CFAP57: variants seen among roughly 807,000 people sequenced by gnomAD.
The protein encoded by CFAP57 is cilia and flagella associated protein 57.
CFAP57 carries 116 observed loss-of-function variants against 146.8 expected under a neutral mutation model. The ratio of observed to expected loss-of-function variants is 0.79; its 90% CI spans 0.68 to 0.92. The LOEUF (loss-of-function observed/expected upper bound fraction) is 0.92. CFAP57 is among the 40% of genes least tolerant of loss of function. The probability of loss-of-function intolerance (pLI) is 0.00; values close to 1 mark genes in which losing one functional copy is unlikely to be tolerated. For synonymous variants in CFAP57, 518 were observed against 552.8 expected (o/e 0.94, Z 0.88); for missense variants, 1,377 against 1,527.2 (o/e 0.90, Z 1.64).
intron 14 of CFAP57, 45 bp downstream of exon 14, chr1:43,221,510 T>C (rs1378667755): frequency 3.0e-6 from 4 of 1,355,554 alleles, no homozygotes; most frequent in East Asian, 2.6e-5. Context: ...TTGGAAGAGC[T>C]AGGTTATGGG....
At chr1:43,181,455 C>T in intron 2 of CFAP57, 79 bp from the exon 3 acceptor site, 1 of 1,542,420 alleles carries the variant, frequency 6.5e-7, no homozygotes, top group Non-Finnish European at 8.9e-7. Flanking sequence ...CTCCAGTGCC[C>T]ACCACAGTGC....
intron 7 of CFAP57, among the ~76,000 whole-genome samples, chr1:43,198,054 A>G (rs893594707): frequency 6.6e-6 from 1 of 151,792 alleles, no homozygotes; most frequent in Non-Finnish European, 1.5e-5. Context: ...TTTCTTCCTC[A>G]TCTTTCTCCC....
rs182629640 is a variant in CFAP57, at chr1:43,175,878, T to G, written c.157+2968T>G. ...TATACCTTACTCTCTCTGTGTTGCA[T>G]TCTAGATAATTACTTTAGATGTATC... On this transcript the variant is annotated intron_variant, in intron 2 of 22. Transcript: ENST00000372492. Among the ~76,000 whole-genome samples, 8 of 151,512 alleles carry G rather than the reference T, an allele frequency of 5.3e-5. No homozygotes were observed. In the East Asian group the frequency reaches 1.4e-3, roughly 26 times the overall value.
At chr1:43,195,625 G>T (rs1185749927) in intron 6 of CFAP57, among the ~76,000 whole-genome samples, 5 of 152,102 alleles carry the variant, frequency 3.3e-5, no homozygotes, top group Non-Finnish European at 7.4e-5. Flanking sequence ...TAGTGGTAAT[G>T]AAGAAGTAAA....
chr1:43,216,586 C>T (rs369470556), intron 12 of CFAP57, among the ~76,000 whole-genome samples: 153 of 152,250 alleles, frequency 1.0e-3, no homozygotes, highest in African/African-American at 3.5e-3. Context: ...CTGACAGTAC[C>T]GCTGCCAGGC....
At chr1:43,202,334 A>G (rs1272979169) in intron 9 of CFAP57, among the ~76,000 whole-genome samples, 1 of 152,236 alleles carries the variant, frequency 6.6e-6, no homozygotes, top group Non-Finnish European at 1.5e-5. Flanking sequence ...AAACAGACAA[A>G]AGATCATCAA....
intron 21 of CFAP57, among the ~76,000 whole-genome samples, chr1:43,240,106 G>A (rs542844760): frequency 1.4e-4 from 22 of 152,268 alleles, no homozygotes; most frequent in African/African-American, 4.6e-4. Flanking sequence ...AAGGAAATGC[G>A]GGAAACCTAT....
intron 2 of CFAP57, among the ~76,000 whole-genome samples, chr1:43,177,980 G>A (rs1645237625): frequency 6.6e-6 from 1 of 152,204 alleles, no homozygotes; most frequent in South Asian, 2.1e-4. Context: ...GGAAGAATCA[G>A]CAAAAGAGGC....
Position 43,197,424 on chromosome 1 carries a change from A to G in CFAP57, c.1123-129A>G. The stretch of plus-strand genomic sequence containing the variant: ...CTCAGGAAAATATGCATAATATTCA[A>G]ACAGTTTAGCCACAGCCTGATTTCT... On this transcript the variant is annotated intron_variant, in intron 6 of 22. Coordinates refer to ENST00000372492, the MANE Select transcript of CFAP57 (RefSeq NM_001378189.1). 3.7e-6 allele frequency: 4 copies of G among 1,075,208 alleles called. No individual in the cohort carries two copies. The South Asian group carries it at 4.0e-5, about 11-fold the overall frequency. The allele number at this position is 1,075,208 out of a possible 1,614,324, so 66.6% of individuals were successfully genotyped here. A position where few individuals can be genotyped will look rare whatever the true frequency, so the allele number is the denominator to read the frequency against.
At position 43,227,488 on chromosome 1, in the gene CFAP57, A is replaced by AT. The variant is rs1223141822; in HGVS notation, c.3009+369dup. On this transcript the variant is annotated intron_variant, in intron 18 of 22. Coordinates refer to ENST00000372492, the MANE Select transcript of CFAP57 (RefSeq NM_001378189.1). ...CAACAGGCTATCCTTCTAGTTCAGC[A>AT]TTTTTTTCTCAAACTGGAAATGTTG... 1.3e-4 allele frequency among the ~76,000 whole-genome samples: 20 copies of AT among 152,218 alleles called. No homozygotes were observed. The East Asian group carries it at 1.9e-3, about 15-fold the overall frequency.
At chr1:43,228,695 A>C (rs1015930598) in intron 18 of CFAP57, among the ~76,000 whole-genome samples, 1 of 149,038 alleles carries the variant, frequency 6.7e-6, no homozygotes, top group African/African-American at 2.5e-5. Flanking sequence ...ACCATTCTTG[A>C]GTGCTTTCAG....
chr1:43,199,856 T>C (rs1644039808), intron 9 of CFAP57, among the ~76,000 whole-genome samples: 1 of 152,092 alleles, frequency 6.6e-6, no homozygotes, highest in South Asian at 2.1e-4. Flanking sequence ...GGGAGACTCA[T>C]AGGGTGTCAG....
intron 2 of CFAP57, among the ~76,000 whole-genome samples, chr1:43,180,225 A>T (rs141369375): frequency 0.042 from 5,999 of 142,534 alleles, 209 homozygotes; most frequent in African/African-American, 0.073. Context: ...TATATATTTT[A>T]TATATATATA....
At chr1:43,199,293 C>T in intron 8 of CFAP57, 97 bp from the exon 9 acceptor site, 1 of 1,135,104 alleles carries the variant, frequency 8.8e-7, no homozygotes, top group Non-Finnish European at 1.3e-6. Flanking sequence ...CACGTAGTTT[C>T]AGTCTGAACT....
intron 9 of CFAP57, among the ~76,000 whole-genome samples, chr1:43,204,312 G>A (rs769152435): frequency 3.3e-5 from 5 of 152,014 alleles, no homozygotes; most frequent in Non-Finnish European, 7.4e-5. Flanking sequence ...GTCTTTGTCC[G>A]CAAAATCTAC....
At chr1:43,196,749 C>T (rs1217560895) in intron 6 of CFAP57, among the ~76,000 whole-genome samples, 1 of 152,206 alleles carries the variant, frequency 6.6e-6, no homozygotes, top group Non-Finnish European at 1.5e-5. Context: ...AATCATCCAT[C>T]CAACTCTCAT....
intron 2 of CFAP57, among the ~76,000 whole-genome samples, chr1:43,179,991 GAAGTTGGGA>G (rs1645325593): frequency 6.6e-6 from 1 of 151,976 alleles, no homozygotes; most frequent in Non-Finnish European, 1.5e-5. Context: ...CGGATCACCT[GAAGTTGGGA>G]GTTCGAGACC....
At chr1:43,210,221 T>G in intron 11 of CFAP57, 1 of 1,507,822 alleles carries the variant, frequency 6.6e-7, no homozygotes, top group Non-Finnish European at 8.8e-7. Flanking sequence ...TGGGCTGCAC[T>G]TGACCACAGC....
At chr1:43,179,367 A>G (rs1231757987) in intron 2 of CFAP57, among the ~76,000 whole-genome samples, 2 of 152,238 alleles carry the variant, frequency 1.3e-5, no homozygotes, top group Non-Finnish European at 2.9e-5. Flanking sequence ...GAAACAATGC[A>G]AAAGCATTTT....
Sources: allele counts gnomAD v4.1 joint callset (sites outside exome capture counted in the v4.1 genomes callset), GRCh38; gene constraint gnomAD v4.1.1; transcripts MANE v1.5; gene names NCBI Gene and HGNC (gene_info 2026-07-23, HGNC 2026-07-21).